Variants in DDR2 observed in about 807,000 individuals in gnomAD.
DDR2 encodes discoidin domain-containing receptor 2.
In DDR2, 27 loss-of-function variants were observed where a neutral mutation model predicts 94.9. The observed-to-expected ratio is 0.28, with a 90% confidence interval of 0.21 to 0.39. The LOEUF (loss-of-function observed/expected upper bound fraction) is 0.39. Among genes scored for constraint, DDR2 ranks in the 10% least tolerant of loss-of-function variants. The pLI, the probability that DDR2 is intolerant of heterozygous loss-of-function variation, is 1.00. For missense variants in DDR2, 783 were observed against 1,076.0 expected (o/e 0.73, Z 3.81); for synonymous variants, 382 against 377.2 (o/e 1.01, Z -0.15).
At chr1:162,697,996 A>G (rs948973290) in intron 2 of DDR2, among the ~76,000 whole-genome samples, 1 of 152,196 alleles carries the variant, frequency 6.6e-6, no homozygotes, top group African/African-American at 2.4e-5. Context: ...ATCTATAGCT[A>G]TTAACACTGA....
chr1:162,729,875 C>A (rs1195472583), intron 3 of DDR2, among the ~76,000 whole-genome samples: 1 of 151,732 alleles, frequency 6.6e-6, no homozygotes, highest in Non-Finnish European at 1.5e-5. Flanking sequence ...TCTCGAGTAG[C>A]TGGGATTACA....
chr1:162,751,659 A>G (rs969258973), intron 3 of DDR2, among the ~76,000 whole-genome samples: 1 of 152,242 alleles, frequency 6.6e-6, no homozygotes, highest in Admixed American at 6.5e-5. Flanking sequence ...ATACACCCAA[A>G]GGATTATAAA....
intron 1 of DDR2, among the ~76,000 whole-genome samples, chr1:162,646,181 C>A (rs1338656535): frequency 6.6e-6 from 1 of 152,122 alleles, no homozygotes; most frequent in African/African-American, 2.4e-5. Context: ...ATGGTTACTG[C>A]TTGTATTAAA....
intron 13 of DDR2, among the ~76,000 whole-genome samples, chr1:162,773,034 T>A (rs973739888): frequency 2.6e-5 from 4 of 152,214 alleles, no homozygotes; most frequent in African/African-American, 2.4e-5. Context: ...AACCCACATC[T>A]GTTATACTGT....
At chr1:162,693,631 G>A (rs1025027133) in intron 2 of DDR2, among the ~76,000 whole-genome samples, 1 of 152,120 alleles carries the variant, frequency 6.6e-6, no homozygotes, top group African/African-American at 2.4e-5. Flanking sequence ...TGGTATTAGG[G>A]GATAAGAGGA....
intron 2 of DDR2, among the ~76,000 whole-genome samples, chr1:162,693,556 G>A (rs1251857452): frequency 6.6e-6 from 1 of 152,178 alleles, no homozygotes; most frequent in Non-Finnish European, 1.5e-5. Context: ...ACATTCTCAA[G>A]GGGACAGCAA....
At chr1:162,773,739 T>C in intron 14 of DDR2, 143 bp downstream of exon 14, 1 of 1,144,880 alleles carries the variant, frequency 8.7e-7, no homozygotes. Context: ...TCCTTTTTCT[T>C]ATTCCGATGG....
intron 2 of DDR2, among the ~76,000 whole-genome samples, chr1:162,663,966 A>G (rs1460577085): frequency 6.6e-6 from 1 of 152,112 alleles, no homozygotes; most frequent in Non-Finnish European, 1.5e-5. Context: ...GGAAATGCAA[A>G]ATGGAAACCC....
Position 162,753,136 on chromosome 1 carries a change from C to A in DDR2, c.124C>A (p.Pro42Thr). 1 of 1,613,684 alleles carries A rather than the reference C, an allele frequency of 6.2e-7. No homozygotes were observed. Among genetic ancestry groups the A allele is most frequent in the Non-Finnish European group, 8.5e-7 (1 of 1,179,738 alleles). ...TCTGGGCATGTCAGGAGGCCAGATT[C>A]CAGATGAGGACATCACAGCTTCCAG... ...YPLGMSGGQI[P>T]DEDITASSQW... Residue 42 changes from proline (P) to threonine (T), a missense_variant, in exon 4 of 18, where the codon CCA (proline) becomes ACA (threonine). Pro to Thr is a conservative substitution (Grantham distance 38, BLOSUM62 -1). Coordinates refer to ENST00000367921, the MANE Select transcript of DDR2 (RefSeq NM_006182.4).
chr1:162,637,568 C>G (rs1656888030), intron 1 of DDR2, among the ~76,000 whole-genome samples: 1 of 151,906 alleles, frequency 6.6e-6, no homozygotes, highest in South Asian at 2.1e-4. Flanking sequence ...TTAAACATAA[C>G]AAAATAATAA....
chr1:162,652,859 C>T (rs1351716044), intron 1 of DDR2, among the ~76,000 whole-genome samples: 1 of 152,138 alleles, frequency 6.6e-6, no homozygotes, highest in East Asian at 1.9e-4. Context: ...AATCCCAGCA[C>T]TTTGGGAGGC....
At chr1:162,762,285 A>G (rs777812727) in intron 9 of DDR2, among the ~76,000 whole-genome samples, 2 of 152,102 alleles carry the variant, frequency 1.3e-5, no homozygotes, top group Non-Finnish European at 2.9e-5. Flanking sequence ...TGTCATTCCT[A>G]ATGACTGGTG....
chr1:162,649,491 C>T (rs1188648571), intron 1 of DDR2, among the ~76,000 whole-genome samples: 1 of 152,188 alleles, frequency 6.6e-6, no homozygotes, highest in Non-Finnish European at 1.5e-5. Flanking sequence ...CTCTGAGCCT[C>T]AGTTTCCCCA....
chr1:162,650,724 CATT>C (rs1013668765), intron 1 of DDR2, among the ~76,000 whole-genome samples: 2 of 151,994 alleles, frequency 1.3e-5, no homozygotes, highest in African/African-American at 4.8e-5. Context: ...ATCCTCTCCA[CATT>C]ATTATTATTA....
intron 2 of DDR2, among the ~76,000 whole-genome samples, chr1:162,716,058 A>T (rs1661154228): frequency 6.6e-6 from 1 of 152,158 alleles, no homozygotes; most frequent in Non-Finnish European, 1.5e-5. Context: ...TATAAGAATG[A>T]ACCATTTTGA....
At chr1:162,773,636 A>G in intron 14 of DDR2, 40 bp downstream of exon 14, 1 of 1,611,416 alleles carries the variant, frequency 6.2e-7, no homozygotes, top group Non-Finnish European at 8.5e-7. Context: ...TAGGTATTTC[A>G]TCTTTAGGAC....
intron 3 of DDR2, among the ~76,000 whole-genome samples, 180 bp from the exon 4 acceptor site, chr1:162,752,915 T>G (rs1392260735): frequency 6.6e-6 from 1 of 151,990 alleles, no homozygotes; most frequent in Non-Finnish European, 1.5e-5. Flanking sequence ...GTATTTGGAG[T>G]CAGGGCCAGG....
At chr1:162,759,054 C>CA (rs1255400095) in intron 7 of DDR2, among the ~76,000 whole-genome samples, 1 of 152,094 alleles carries the variant, frequency 6.6e-6, no homozygotes, top group Non-Finnish European at 1.5e-5. Context: ...ACTCAGAAGT[C>CA]AAAAAAGCCT....
chr1:162,687,112 G>T (rs1352231137), intron 2 of DDR2, among the ~76,000 whole-genome samples: 8 of 152,204 alleles, frequency 5.3e-5, no homozygotes, highest in Non-Finnish European at 1.0e-4. Flanking sequence ...GGCTGCTCTG[G>T]CCTCTCTGCT....
Sources: allele counts gnomAD v4.1 joint callset (sites outside exome capture counted in the v4.1 genomes callset), GRCh38; gene constraint gnomAD v4.1.1; transcripts MANE v1.5; gene names NCBI Gene and HGNC (gene_info 2026-07-23, HGNC 2026-07-21).